CCSER1: variants seen among roughly 807,000 people sequenced by gnomAD.
CCSER1 encodes serine-rich coiled-coil domain-containing protein 1.
A neutral mutation model predicts 82.0 loss-of-function variants in CCSER1; 41 were observed. That is an observed-to-expected ratio of 0.50 (90% CI 0.39 to 0.65). CCSER1 has a LOEUF of 0.65. Among genes scored for constraint, CCSER1 ranks in the 30% least tolerant of loss-of-function variants. The pLI is 0.00. For synonymous variants in CCSER1, 414 were observed against 383.9 expected, an observed-to-expected ratio of 1.08 and a Z score of -0.92; for missense variants, 1,119 against 1,064.2, an observed-to-expected ratio of 1.05 and a Z score of -0.72.
rs1160100007 is a variant in CCSER1 at position 91,598,676 on chromosome 4, G to C, written c.2322G>C (p.Gln774His). 1 of 1,551,330 alleles carries C rather than the reference G, an allele frequency of 6.4e-7. No homozygotes were observed. Among genetic ancestry groups the C allele is most frequent in the South Asian group, 1.2e-5 (1 of 84,046 alleles). ...EDRFRYSAAD[Q>H]TSPYKNKTCQ... ...GTTTTAGGTATTCGGCAGCGGACCA[G>C]ACAAGCCCCTACAAAAACAAGACCT... Residue 774 changes from glutamine to histidine, a missense_variant, in exon 11 of 11, where the codon CAG becomes CAC. By Grantham distance (24) the Gln-to-His change is conservative (BLOSUM62 0). Coordinates refer to ENST00000509176, the MANE Select transcript of CCSER1 (RefSeq NM_001145065.2).
Position 90,642,044 on chromosome 4 carries a change from A to G in CCSER1, c.1932+13812A>G, listed in dbSNP as rs528865546. 2.6e-5 allele frequency: 7 copies of G among 273,804 alleles called. No individual in the cohort carries two copies. In the Middle Eastern group the frequency reaches 1.7e-3, roughly 68 times the overall value. 17.0% of individuals were successfully genotyped at this position (273,804 alleles called of 1,614,324 possible). A position where few individuals can be genotyped will look rare whatever the true frequency, so the allele number is the denominator to read the frequency against. ...GACATTAAGAATTTCAAGCTGCAAC[A>G]TAACAGGTATACAGCAGACGGCACC... On this transcript the variant is annotated intron_variant, in intron 6 of 10. Transcript: ENST00000509176.
At chr4:90,716,072 CTATATG>C (rs1741584016) in intron 6 of CCSER1, among the ~76,000 whole-genome samples, 1 of 150,872 alleles carries the variant, frequency 6.6e-6, no homozygotes, top group African/African-American at 2.4e-5. Context: ...ATATATTACC[CTATATG>C]TATAAAAATA....
chr4:90,558,955 TGAAGCAAA>T (rs1294221466), intron 5 of CCSER1, among the ~76,000 whole-genome samples: 1 of 152,142 alleles, frequency 6.6e-6, no homozygotes, highest in East Asian at 1.9e-4. Context: ...ACATGGTGGG[TGAAGCAAA>T]AACAAATGTA....
At chr4:90,548,744 A>G (rs1777092343) in intron 5 of CCSER1, among the ~76,000 whole-genome samples, 1 of 151,392 alleles carries the variant, frequency 6.6e-6, no homozygotes, top group East Asian at 1.9e-4. Context: ...ATATATATAT[A>G]TATATACACA....
chr4:90,780,911 C>T (rs558425599), intron 7 of CCSER1: 10 of 524,522 alleles, frequency 1.9e-5, no homozygotes, highest in South Asian at 1.6e-4. Context: ...ATAATTGGCC[C>T]ACAGTTCTGC....
chr4:90,214,683 A>T (rs1740688399), intron 1 of CCSER1, among the ~76,000 whole-genome samples: 1 of 152,214 alleles, frequency 6.6e-6, no homozygotes, highest in Admixed American at 6.5e-5. Flanking sequence ...CTGCTAATTC[A>T]GTCCTAGATG....
At chr4:90,959,702 AG>A (rs1733872235) in intron 9 of CCSER1, among the ~76,000 whole-genome samples, 1 of 149,594 alleles carries the variant, frequency 6.7e-6, no homozygotes, top group Non-Finnish European at 1.5e-5. Context: ...TCAGATAAAG[AG>A]ACTTCTGCAT....
intron 7 of CCSER1, among the ~76,000 whole-genome samples, chr4:90,752,348 GT>G (rs1748801736): frequency 6.6e-6 from 1 of 152,044 alleles, no homozygotes; most frequent in Non-Finnish European, 1.5e-5. Context: ...CTTTCTGTTT[GT>G]GTGGAATAAT....
At chr4:91,159,307 C>T (rs1731139398) in intron 10 of CCSER1, among the ~76,000 whole-genome samples, 1 of 151,928 alleles carries the variant, frequency 6.6e-6, no homozygotes, top group Admixed American at 6.5e-5. Context: ...ATGCTGAAAA[C>T]TTTTGACCCC....
intron 7 of CCSER1, 26 bp from the exon 8 acceptor site, chr4:90,815,736 A>G (rs570104167): frequency 6.6e-7 from 1 of 1,523,094 alleles, no homozygotes; most frequent in Non-Finnish European, 8.9e-7. Context: ...TAAGCCTATT[A>G]TGCTGTCTCT....
At chr4:90,771,708 G>C (rs1277449562) in intron 7 of CCSER1, among the ~76,000 whole-genome samples, 1 of 151,968 alleles carries the variant, frequency 6.6e-6, no homozygotes, top group African/African-American at 2.4e-5. Context: ...CAATTTTGAA[G>C]CTATTTCATA....
chr4:90,148,023 G>A (rs1394382894), intron 1 of CCSER1, among the ~76,000 whole-genome samples: 1 of 152,044 alleles, frequency 6.6e-6, no homozygotes, highest in African/African-American at 2.4e-5. Context: ...AAATTAGCTG[G>A]GCATGGTAAC....
At chr4:90,498,140 A>G (rs965356899) in intron 5 of CCSER1, among the ~76,000 whole-genome samples, 7 of 152,114 alleles carry the variant, frequency 4.6e-5, no homozygotes, top group Non-Finnish European at 7.4e-5. Context: ...TATGTATGCT[A>G]TGTTTTTGCC....
At chr4:90,893,777 GTGTGTGTGTGTGTGT>G (rs543178045) in intron 8 of CCSER1, among the ~76,000 whole-genome samples, 3,383 of 128,410 alleles carry the variant, frequency 0.026, 133 homozygotes, top group African/African-American at 0.08. Flanking sequence ...GTGTGTGTGC[GTGTGTGTGTGTGTGT>G]GGGGGGTGAA....
intron 10 of CCSER1, among the ~76,000 whole-genome samples, chr4:91,396,947 C>A (rs1426665968): frequency 6.6e-6 from 1 of 151,984 alleles, no homozygotes; most frequent in Non-Finnish European, 1.5e-5. Flanking sequence ...GGAAGCCCCA[C>A]AAACACTTCA....
At chr4:90,303,638 AC>A (rs1733617757) in intron 1 of CCSER1, among the ~76,000 whole-genome samples, 1 of 151,942 alleles carries the variant, frequency 6.6e-6, no homozygotes, top group South Asian at 2.1e-4. Context: ...TACACCTTAT[AC>A]AAAAATCAAT....
intron 5 of CCSER1, among the ~76,000 whole-genome samples, chr4:90,583,244 G>T (rs894371302): frequency 6.6e-6 from 1 of 152,144 alleles, no homozygotes; most frequent in African/African-American, 2.4e-5. Flanking sequence ...TAGGCTCACT[G>T]CAAACTCCGC....
chr4:90,895,334 C>A (rs1046720985), intron 8 of CCSER1, among the ~76,000 whole-genome samples: 1 of 151,802 alleles, frequency 6.6e-6, no homozygotes, highest in African/African-American at 2.4e-5. Flanking sequence ...TCTAGGTAGG[C>A]ATATATTTTT....
chr4:91,013,054 A>G (rs1158248947), intron 9 of CCSER1, among the ~76,000 whole-genome samples: 15 of 134,558 alleles, frequency 1.1e-4, no homozygotes, highest in African/African-American at 3.7e-4. Context: ...GATGTACTCC[A>G]GTGCTCTTCT....
Sources: gnomAD v4.1 joint callset for allele counts (sites outside exome capture counted in the v4.1 genomes callset) on GRCh38, gnomAD v4.1.1 for gene constraint, MANE v1.5 for transcripts, NCBI Gene and HGNC (gene_info 2026-07-23, HGNC 2026-07-21) for gene names.